ZC3HC1: variants seen among roughly 807,000 people sequenced by gnomAD.
ZC3HC1 encodes zinc finger C3HC-type protein 1.
A neutral mutation model predicts 61.9 loss-of-function variants in ZC3HC1; 38 were observed. That is an observed-to-expected ratio of 0.61 (90% CI 0.47 to 0.81). ZC3HC1 has a LOEUF of 0.81. ZC3HC1 is among the 30% of genes least tolerant of loss of function. ZC3HC1 has a pLI of 0.00. For missense variants in ZC3HC1, 554 were observed against 622.7 expected, an observed-to-expected ratio of 0.89 and a Z score of 1.17; for synonymous variants, 213 against 229.9, an observed-to-expected ratio of 0.93 and a Z score of 0.67.
rs1794034166 is a variant in ZC3HC1, at chr7:130,028,618, C to A, written c.621+284G>T. 2.0e-5 allele frequency among the ~76,000 whole-genome samples: 3 copies of A among 152,038 alleles called. No individual in the cohort carries two copies. In the South Asian group the frequency reaches 6.2e-4, roughly 32 times the overall value. On this transcript the variant is annotated intron_variant, in intron 5 of 9. Coordinates refer to ENST00000358303, the MANE Select transcript of ZC3HC1 (RefSeq NM_016478.5). ...ATGGGAAGCATATATTCAGGGCAAA[C>A]TTGAATCTATGCTTCCAGGTTACAG...
chr7:130,033,436 T>C (rs1039006550), intron 4 of ZC3HC1, among the ~76,000 whole-genome samples: 10 of 145,632 alleles, frequency 6.9e-5, no homozygotes, highest in African/African-American at 2.5e-4. Context: ...GTAGCATTTC[T>C]ATAGCATTCT....
At chr7:130,050,454 C>CA (rs1203916067) in intron 1 of ZC3HC1, 4 of 1,527,260 alleles carry the variant, frequency 2.6e-6, no homozygotes, top group Non-Finnish European at 3.5e-6. Flanking sequence ...CTAAGACTCT[C>CA]AGAGATTCAT....
chr7:130,034,047 T>A (rs1473330863), intron 4 of ZC3HC1, among the ~76,000 whole-genome samples: 1 of 152,202 alleles, frequency 6.6e-6, no homozygotes, highest in Non-Finnish European at 1.5e-5. Flanking sequence ...CTGCACATGT[T>A]TGATAAGTTT....
At position 130,051,330 on chromosome 7, in the gene ZC3HC1, C is replaced by G. The variant is rs762389681; in HGVS notation, c.37G>C (p.Gly13Arg). ...ACTGCACCCCAATTCTTTTCAACCC[C>G]TACGGCAAACGCTTGTCCCTCACAG... ...APCEGQAFAV[G>R]VEKNWGAVVR... is the part of the protein sequence containing the mutation. The change falls in exon 1 of 10, where the codon GGG becomes CGG. Residue 13 changes from glycine (G) to arginine (R), a missense_variant. Coordinates refer to ENST00000358303, the MANE Select transcript of ZC3HC1 (RefSeq NM_016478.5). 6.2e-6 allele frequency: 10 copies of G among 1,613,294 alleles called. No individual in the cohort carries two copies. Among genetic ancestry groups the G allele is most frequent in the African/African-American group, 4.0e-5 (3 of 74,896 alleles).
Position 130,050,360 on chromosome 7 carries a change from G to C in ZC3HC1, c.146+861C>G. The C allele has an allele frequency of 4.1e-6, 6 of 1,472,862 alleles. No individual in the cohort carries two copies. The South Asian group carries it at 7.3e-5, about 18-fold the overall frequency. 91.2% of individuals were successfully genotyped at this position (1,472,862 alleles called of 1,614,324 possible). A position where few individuals can be genotyped will look rare whatever the true frequency, so the allele number is the denominator to read the frequency against. On this transcript the variant is annotated intron_variant, in intron 1 of 9. Transcript: ENST00000358303. ...CTCAAAGTGCTGGGATTATAGGCGT[G>C]AGCCACCGCGCCCGGCGACAGGCAT...
At chr7:130,042,673 T>A (rs1794725796) in intron 2 of ZC3HC1, among the ~76,000 whole-genome samples, 2 of 152,198 alleles carry the variant, frequency 1.3e-5, no homozygotes, top group South Asian at 4.1e-4. Flanking sequence ...AAATGCTCAG[T>A]TTTTTTGTTT....
chr7:130,024,159 G>C, intron 7 of ZC3HC1, 104 bp downstream of exon 7: 1 of 1,435,364 alleles, frequency 7.0e-7, no homozygotes, highest in Non-Finnish European at 9.3e-7. Context: ...CAATGTAGTG[G>C]GAAGAGAAGC....
At chr7:130,040,462 C>T (rs1258769583) in intron 3 of ZC3HC1, among the ~76,000 whole-genome samples, 1 of 126,838 alleles carries the variant, frequency 7.9e-6, no homozygotes, top group Non-Finnish European at 1.6e-5. Context: ...CCACTGCACT[C>T]CATCCAGCCT....
chr7:130,024,422 A>T lies in ZC3HC1; in HGVS notation c.861T>A (p.Ile287=), dbSNP rs753141593. 3.7e-6 allele frequency: 6 copies of T among 1,614,016 alleles called. No homozygotes were observed. In the African/African-American group the frequency reaches 8.0e-5, roughly 22 times the overall value. ...CATCCAGGTCAGTCATGGACGATTC[A>T]ATCTGCTGGAAGCCCCAGAGCCCCA... ...RKVGLWGFQQ[I]ESSMTDLDAS... is the part of the protein sequence containing the mutation. Residue 287 remains isoleucine, a synonymous_variant, in exon 7 of 10, where the codon ATT becomes ATA. Transcript: ENST00000358303.
At chr7:130,022,596 G>A in intron 8 of ZC3HC1, 71 bp from the exon 9 acceptor site, 1 of 1,514,522 alleles carries the variant, frequency 6.6e-7, no homozygotes. Flanking sequence ...ACTGCTGTTA[G>A]TTATCAAGTC....
chr7:130,029,143 G>C (rs1453982608), intron 4 of ZC3HC1, 114 bp from the exon 5 acceptor site: 1 of 1,217,434 alleles, frequency 8.2e-7, no homozygotes, highest in South Asian at 1.6e-5. Flanking sequence ...GGCCGAGGCG[G>C]GCGGATCACC....
At chr7:130,026,128 C>T (rs1333244125) in intron 6 of ZC3HC1, 30 bp downstream of exon 6, 1 of 1,605,550 alleles carries the variant, frequency 6.2e-7, no homozygotes, top group East Asian at 2.2e-5. Context: ...TGTCATGGTT[C>T]ATGTCTCCAG....
In ZC3HC1 at chr7:130,024,605, G is replaced by A. The variant is rs1358729191; in HGVS notation, c.777-99C>T. The A allele has an allele frequency of 1.3e-5, 18 of 1,354,308 alleles. No homozygotes were observed. In the East Asian group the frequency reaches 4.2e-4, roughly 31 times the overall value. 83.9% of individuals were successfully genotyped at this position (1,354,308 alleles called of 1,614,324 possible). A position where few individuals can be genotyped will look rare whatever the true frequency, so the allele number is the denominator to read the frequency against. On this transcript the variant is annotated intron_variant, in intron 6 of 9. Transcript: ENST00000358303. The stretch of plus-strand genomic sequence containing the variant: ...TATGCCTTATCTCATCCAATTTCTG[G>A]AACAGTCACCATGTCCTATCAGAGC...
intron 2 of ZC3HC1, 117 bp from the exon 3 acceptor site, chr7:130,041,218 C>T: frequency 2.5e-6 from 3 of 1,192,074 alleles, no homozygotes; most frequent in Non-Finnish European, 3.4e-6. Context: ...GAAAAGTTCT[C>T]ACTCTGTCTC....
chr7:130,034,259 G>A (rs983408229), intron 4 of ZC3HC1, among the ~76,000 whole-genome samples: 2 of 150,984 alleles, frequency 1.3e-5, no homozygotes, highest in African/African-American at 4.9e-5. Flanking sequence ...GCCGAGGCGG[G>A]CGTATCACGA....
In ZC3HC1 at chr7:130,035,644, G is replaced by A. The variant is rs562989451; in HGVS notation, c.493+3820C>T. The stretch of plus-strand genomic sequence containing the variant: ...TTACAGGCATGTGCCACCACGCCCG[G>A]CTAATTTTTTTGTATTTTTAGTAGA... On this transcript the variant is annotated intron_variant, in intron 4 of 9. Transcript: ENST00000358303. 4.5e-3 allele frequency among the ~76,000 whole-genome samples: 681 copies of A among 152,118 alleles called. 3 individuals carry two copies. Among genetic ancestry groups the A allele is most frequent in the Non-Finnish European group, 7.6e-3 (519 of 68,012 alleles).
chr7:130,040,406 A>G (rs1794602637), intron 3 of ZC3HC1, among the ~76,000 whole-genome samples: 1 of 136,220 alleles, frequency 7.3e-6, no homozygotes, highest in African/African-American at 3.1e-5. Flanking sequence ...AGGCAGGAGA[A>G]TGGTGTGAAC....
chr7:130,030,212 T>TTC (rs1397306542), intron 4 of ZC3HC1, among the ~76,000 whole-genome samples: 2 of 151,394 alleles, frequency 1.3e-5, no homozygotes, highest in African/African-American at 4.9e-5. Flanking sequence ...TTTTTTTTTT[T>TTC]TTCCGAGACA....
rs1242909979 is a variant in ZC3HC1, at chr7:130,022,518, G to T, written c.1241C>A (p.Ser414Tyr). ...GGTGGGATCAAAGAAGCTTCGGGAA[G>T]ATGTGTCCTGAGGAAGGAGAAAAAG... ...RLCSSSSSDT[S>Y]SRSFFDPTSQ... The change falls in exon 9 of 10, where the codon TCT becomes TAT. Residue 414 changes from serine (S) to tyrosine (Y), a missense_variant. Coordinates refer to ENST00000358303, the MANE Select transcript of ZC3HC1 (RefSeq NM_016478.5). 1.2e-6 allele frequency: 2 copies of T among 1,613,986 alleles called. No homozygotes were observed. The highest frequency in any genetic ancestry group is 1.7e-6 in the Non-Finnish European group (2 of 1,179,990).
Sources: gnomAD v4.1 joint callset for allele counts (sites outside exome capture counted in the v4.1 genomes callset) on GRCh38, gnomAD v4.1.1 for gene constraint, MANE v1.5 for transcripts, NCBI Gene and HGNC (gene_info 2026-07-23, HGNC 2026-07-21) for gene names.